SPTBN1: variants seen among roughly 807,000 people sequenced by gnomAD.
The protein encoded by SPTBN1 is spectrin beta, non-erythrocytic 1.
In SPTBN1, 32 loss-of-function variants were observed where a neutral mutation model predicts 266.4. That is an observed-to-expected ratio of 0.12 (90% confidence interval 0.09 to 0.16). The LOEUF is 0.16. SPTBN1 is among the 10% of genes least tolerant of loss of function. The pLI is 1.00. For missense variants in SPTBN1, 2,296 were observed against 3,067.1 expected, an observed-to-expected ratio of 0.75 and a Z score of 5.94; for synonymous variants, 1,336 against 1,162.2, an observed-to-expected ratio of 1.15 and a Z score of -3.04.
At chr2:54,583,056 G>A (rs1675049365) in intron 2 of SPTBN1, among the ~76,000 whole-genome samples, 1 of 152,084 alleles carries the variant, frequency 6.6e-6, no homozygotes, top group African/African-American at 2.4e-5. Flanking sequence ...CCGTCATCTA[G>A]GACCATGCTG....
intron 7 of SPTBN1, among the ~76,000 whole-genome samples, chr2:54,620,395 G>A (rs983127634): frequency 6.6e-6 from 1 of 152,230 alleles, no homozygotes; most frequent in African/African-American, 2.4e-5. Flanking sequence ...AAGTTATGGG[G>A]TCATGAAGGC....
At position 54,486,321 on chromosome 2, in the gene SPTBN1, C is replaced by T. The variant is rs540693799; in HGVS notation, c.-48+29803C>T. Among the ~76,000 whole-genome samples the T allele has an allele frequency of 2.8e-3, 425 of 152,018 alleles. 2 individuals carry two copies. The highest frequency in any genetic ancestry group is 7.9e-3 in the African/African-American group (329 of 41,442). On this transcript the variant is annotated intron_variant, in intron 1 of 35. Coordinates refer to ENST00000356805, the MANE Select transcript of SPTBN1 (RefSeq NM_003128.3). ...AAAGACTGAGAAATCGGATGGTTGC[C>T]GTGTCTGTGTAGAAAGAAGTAGACA...
chr2:54,526,932 C>A, intron 2 of SPTBN1: 1 of 168,652 alleles, frequency 5.9e-6, no homozygotes, highest in Non-Finnish European at 1.3e-5. Context: ...GCCTGTGATA[C>A]ATTAACTGGC....
intron 1 of SPTBN1, among the ~76,000 whole-genome samples, chr2:54,486,982 G>T (rs17343815): frequency 6.6e-6 from 1 of 151,906 alleles, no homozygotes; most frequent in Non-Finnish European, 1.5e-5. Context: ...TTTATCAAAC[G>T]GCGCTGAGGA....
intron 1 of SPTBN1, among the ~76,000 whole-genome samples, chr2:54,475,393 C>A (rs1002057754): frequency 6.6e-6 from 1 of 152,172 alleles, no homozygotes. Context: ...ATTATCTATG[C>A]TGTTATCTAT....
intron 29 of SPTBN1, among the ~76,000 whole-genome samples, chr2:54,657,283 A>G (rs550282575): frequency 5.9e-5 from 9 of 152,212 alleles, no homozygotes; most frequent in Non-Finnish European, 1.2e-4. Flanking sequence ...ACACACAACT[A>G]CCGCCCAAAA....
intron 1 of SPTBN1, among the ~76,000 whole-genome samples, chr2:54,495,477 G>A (rs937743308): frequency 4.6e-5 from 7 of 152,138 alleles, no homozygotes; most frequent in Non-Finnish European, 1.0e-4. Context: ...AATCCTACCT[G>A]TACAAATACT....
chr2:54,649,249 A>G lies in SPTBN1; in HGVS notation c.5202+59A>G, dbSNP rs1309761460. On this transcript the variant is annotated intron_variant, in intron 25 of 35. Coordinates refer to ENST00000356805, the MANE Select transcript of SPTBN1 (RefSeq NM_003128.3). The surrounding 1 kb of genome is among the most constrained non-coding windows in gnomAD (Gnocchi z 6.7). Reference sequence around the variant, plus strand: ...GCAGTAAGCGATGGTGTGGAAGGCCATTTGCATTCCTTGTCTGTGAGCAGA... The same window carrying G: ...GCAGTAAGCGATGGTGTGGAAGGCCGTTTGCATTCCTTGTCTGTGAGCAGA... 2 of 1,516,694 alleles carry G rather than the reference A, an allele frequency of 1.3e-6. No homozygotes were observed. Among genetic ancestry groups the G allele is most frequent in the African/African-American group, 2.7e-5 (2 of 72,824 alleles). 94.0% of individuals were successfully genotyped at this position (1,516,694 alleles called of 1,614,324 possible). A position where few individuals can be genotyped will look rare whatever the true frequency, so the allele number is the denominator to read the frequency against.
intron 5 of SPTBN1, among the ~76,000 whole-genome samples, chr2:54,617,194 T>G (rs988567834): frequency 6.6e-6 from 1 of 152,234 alleles, no homozygotes; most frequent in African/African-American, 2.4e-5. Flanking sequence ...GAGTGTCACT[T>G]GAACAGATAG....
chr2:54,637,470 C>G (rs1038731065), intron 17 of SPTBN1, among the ~76,000 whole-genome samples: 7 of 152,070 alleles, frequency 4.6e-5, no homozygotes, highest in African/African-American at 1.7e-4. Context: ...TTGTATAGAT[C>G]ATTTGACAGT....
Position 54,645,678 on chromosome 2 carries a change from C to T in SPTBN1, c.4494+225C>T, listed in dbSNP as rs1449890140. 6.6e-6 allele frequency among the ~76,000 whole-genome samples: 1 copy of T among 152,138 alleles called. No homozygotes were observed. Among genetic ancestry groups the T allele is most frequent in the Non-Finnish European group, 1.5e-5 (1 of 68,022 alleles). ...GGGATACTGTAGGATTTTAATGGCC[C>T]TAAAACAGACTTTTTAAAAGTAATG... On this transcript the variant is annotated intron_variant, in intron 21 of 35. Coordinates refer to ENST00000356805, the MANE Select transcript of SPTBN1 (RefSeq NM_003128.3). This position sits in a 1 kb window ranked among gnomAD's most constrained non-coding sequence, Gnocchi z 4.3.
chr2:54,629,221 A>G lies in SPTBN1; in HGVS notation c.2087A>G (p.Gln696Arg). 3 of 1,613,832 alleles carry G rather than the reference A, an allele frequency of 1.9e-6. No homozygotes were observed. Among genetic ancestry groups the G allele is most frequent in the Non-Finnish European group, 2.5e-6 (3 of 1,179,998 alleles). The change falls in exon 14 of 36, where the codon CAG (glutamine) becomes CGG (arginine). Residue 696 changes from glutamine (Q) to arginine (R), a missense_variant. This residue lies in a region of SPTBN1 where 434 missense variants were observed against 573.9 expected (regional missense o/e 0.76). Coordinates refer to ENST00000356805, the MANE Select transcript of SPTBN1 (RefSeq NM_003128.3). Reference protein sequence around the residue: ...EMSGRSGHFEQAIKEGEDMIA... With the variant: ...EMSGRSGHFERAIKEGEDMIA... ...AGCGGCCGCAGTGGCCACTTTGAGC[A>G]GGCCATCAAGGAAGGCGAAGACATG...
In SPTBN1 at chr2:54,634,209, G is replaced by C. The variant is rs182061831; in HGVS notation, c.3767+1441G>C. Among the ~76,000 whole-genome samples the C allele has an allele frequency of 9.8e-5, 15 of 152,300 alleles. No individual in the cohort carries two copies. In the East Asian group the frequency reaches 2.3e-3, roughly 23 times the overall value. On this transcript the variant is annotated intron_variant, in intron 17 of 35. Coordinates refer to ENST00000356805, the MANE Select transcript of SPTBN1 (RefSeq NM_003128.3). Reference sequence around the variant, plus strand: ...TGTGCATTCAGGCAGGCATGCAGCTGCCTTGCTGCTTCCTCGGTTTCTTTT... The same window carrying C: ...TGTGCATTCAGGCAGGCATGCAGCTCCCTTGCTGCTTCCTCGGTTTCTTTT...
chr2:54,613,464 T>G (rs1677368303), intron 4 of SPTBN1, among the ~76,000 whole-genome samples: 1 of 152,188 alleles, frequency 6.6e-6, no homozygotes, highest in Admixed American at 6.5e-5. Flanking sequence ...CTTCAGTTAG[T>G]GTCGTGATTA....
intron 1 of SPTBN1, among the ~76,000 whole-genome samples, chr2:54,496,159 A>G (rs1321903625): frequency 1.3e-5 from 2 of 152,190 alleles, no homozygotes; most frequent in Non-Finnish European, 2.9e-5. Flanking sequence ...TAAATAGGCC[A>G]GGCACGATGA....
chr2:54,493,001 CTTTTTTTTTTTTT>C (rs70944171), intron 1 of SPTBN1, among the ~76,000 whole-genome samples: 3 of 112,896 alleles, frequency 2.7e-5, no homozygotes, highest in African/African-American at 6.7e-5. Flanking sequence ...AATAACATAT[CTTTTTTTTTTTTT>C]TTTTTTTTTG....
At chr2:54,660,980 G>T (rs1681001876) in intron 32 of SPTBN1, 1 of 985,294 alleles carries the variant, frequency 1.0e-6, no homozygotes. Context: ...TGGAACAGAA[G>T]CCATTGTGGT....
At position 54,629,327 on chromosome 2, in the gene SPTBN1, G is replaced by C; in HGVS notation, c.2193G>C (p.Gln731His). Residue 731 changes from glutamine to histidine, a missense_variant, in exon 14 of 36, where the codon CAG (glutamine) becomes CAC (histidine). Transcript: ENST00000356805. ...YIREQWANLE[Q>H]LSAIRKKRLE... The stretch of plus-strand genomic sequence containing the variant: ...GGGAGCAGTGGGCCAACCTAGAGCA[G>C]CTCTCGGCCATTCGGAAGAAGCGCC... 2 of 1,614,062 alleles carry C rather than the reference G, an allele frequency of 1.2e-6. No homozygotes were observed. The highest frequency in any genetic ancestry group is 1.7e-6 in the Non-Finnish European group (2 of 1,180,020).
intron 2 of SPTBN1, among the ~76,000 whole-genome samples, chr2:54,530,504 G>A (rs1033155901): frequency 5.9e-5 from 9 of 151,410 alleles, no homozygotes; most frequent in East Asian, 1.9e-4. Flanking sequence ...GACTACAGGC[G>A]CCCGCCACCA....
Sources: allele counts gnomAD v4.1 joint callset (sites outside exome capture counted in the v4.1 genomes callset), GRCh38; gene constraint gnomAD v4.1.1; regional missense constraint gnomAD v4.1.1; non-coding constraint Gnocchi (gnomAD v3.1); transcripts MANE v1.5; gene names NCBI Gene and HGNC (gene_info 2026-07-23, HGNC 2026-07-21).